MRTFB: variants seen among roughly 807,000 people sequenced by gnomAD.
MRTFB encodes myocardin related transcription factor B, also known as myocardin-related transcription factor B.
Under a neutral mutation model 104.2 loss-of-function variants are expected in MRTFB, and 29 were observed. That is an observed-to-expected ratio of 0.28 (90% CI 0.21 to 0.38). The LOEUF (loss-of-function observed/expected upper bound fraction) is 0.38. Among genes scored for constraint, MRTFB ranks in the 10% least tolerant of loss-of-function variants. The pLI is 1.00. For missense variants in MRTFB, 1,270 were observed against 1,341.6 expected (o/e 0.95, Z 0.83); for synonymous variants, 535 against 519.5 (o/e 1.03, Z -0.41).
At chr16:14,040,443 GT>G in the MRTFB span, among the ~76,000 whole-genome samples, 153 of 150,664 alleles carry the variant, frequency 1.0e-3, no homozygotes, top group African/African-American at 3.5e-3. Context: ...GAGTGTTTCC[GT>G]TGCTCTATAA....
At chr16:13,997,645 T>A in the MRTFB span, among the ~76,000 whole-genome samples, 147 of 141,266 alleles carry the variant, frequency 1.0e-3, no homozygotes, top group Middle Eastern at 7.2e-3. Context: ...AAAAAAAAAA[T>A]AGCTGGGTAT....
At chr16:14,003,526 G>A in the MRTFB span, among the ~76,000 whole-genome samples, 1 of 152,152 alleles carries the variant, frequency 6.6e-6, no homozygotes, top group Admixed American at 6.5e-5. Context: ...CGACAGAGGC[G>A]TCTCCCAGCC....
chr16:14,016,092 G>C, the MRTFB span: 3 of 397,754 alleles, frequency 7.5e-6, no homozygotes, highest in Non-Finnish European at 1.3e-5. Context: ...TTGTAAGCTG[G>C]GAGGCAGGAA....
At chr16:14,065,893 A>C in the MRTFB span, among the ~76,000 whole-genome samples, 2 of 152,054 alleles carry the variant, frequency 1.3e-5, no homozygotes, top group South Asian at 4.1e-4. Context: ...CATCCTTCAC[A>C]ACACAGTCCA....
chr16:14,162,842 G>A (rs1251406377), intron 3 of MRTFB, among the ~76,000 whole-genome samples: 2 of 152,130 alleles, frequency 1.3e-5, no homozygotes, highest in Admixed American at 6.5e-5. Flanking sequence ...TCAGTGAATC[G>A]TATACTTATG....
intron 3 of MRTFB, among the ~76,000 whole-genome samples, chr16:14,153,839 A>G (rs1044920312): frequency 3.7e-4 from 56 of 152,318 alleles, no homozygotes; most frequent in African/African-American, 1.2e-3. Context: ...CAAGTCTTCT[A>G]TACCTTTATT....
chr16:14,010,362 G>A, the MRTFB span, among the ~76,000 whole-genome samples: 1 of 152,162 alleles, frequency 6.6e-6, no homozygotes, highest in Non-Finnish European at 1.5e-5. Flanking sequence ...TGTCACCCAG[G>A]CTGGGGTGCA....
the MRTFB span, among the ~76,000 whole-genome samples, chr16:14,035,201 C>A: frequency 0.19 from 28,154 of 152,128 alleles, 3,175 homozygotes; most frequent in South Asian, 0.33. Context: ...CATAAGATTG[C>A]GATCCTCCCT....
chr16:14,131,509 T>C (rs1387283438), intron 2 of MRTFB, among the ~76,000 whole-genome samples: 1 of 152,026 alleles, frequency 6.6e-6, no homozygotes, highest in African/African-American at 2.4e-5. Context: ...TATCAAGAAA[T>C]GAAAAGTCAA....
At chr16:14,128,135 G>A (rs960899121) in intron 2 of MRTFB, among the ~76,000 whole-genome samples, 2 of 151,840 alleles carry the variant, frequency 1.3e-5, no homozygotes, top group African/African-American at 2.4e-5. Flanking sequence ...ATAAGGCTTA[G>A]GGATGTTTAT....
At chr16:14,145,289 G>C (rs1196242942) in intron 3 of MRTFB, among the ~76,000 whole-genome samples, 1 of 151,712 alleles carries the variant, frequency 6.6e-6, no homozygotes, top group Non-Finnish European at 1.5e-5. Flanking sequence ...GATTTTTTTG[G>C]TGATTGTGTT....
At chr16:14,034,256 A>G in the MRTFB span, among the ~76,000 whole-genome samples, 1 of 152,340 alleles carries the variant, frequency 6.6e-6, no homozygotes, top group Non-Finnish European at 1.5e-5. Flanking sequence ...GGAAGCTGTG[A>G]GGGAGAACCT....
In MRTFB at chr16:14,220,283, A is replaced by G. The variant is rs2151221275; in HGVS notation, c.693+1285A>G. On this transcript the variant is annotated intron_variant, in intron 8 of 16. Coordinates refer to ENST00000571589, the MANE Select transcript of MRTFB (RefSeq NM_001308142.2). ...AAGAATGTCAAGTATGCAAGTAGAT[A>G]CCATTAACAAACAGTTACACTTATC... Among the ~76,000 whole-genome samples the G allele has an allele frequency of 2.0e-5, 3 of 152,326 alleles. No individual in the cohort carries two copies. In the Middle Eastern group the frequency reaches 0.01, roughly 518 times the overall value.
At chr16:14,221,273 G>T (rs1048066013) in intron 8 of MRTFB, among the ~76,000 whole-genome samples, 1 of 152,114 alleles carries the variant, frequency 6.6e-6, no homozygotes, top group African/African-American at 2.4e-5. Context: ...TATAGAATTT[G>T]CCCAGGCATC....
intron 2 of MRTFB, among the ~76,000 whole-genome samples, chr16:14,136,966 G>T (rs921854568): frequency 6.6e-6 from 1 of 152,168 alleles, no homozygotes; most frequent in Non-Finnish European, 1.5e-5. Flanking sequence ...CATTCATGCT[G>T]TCAGTTCTAG....
chr16:14,112,858 C>T (rs933404688), intron 2 of MRTFB, among the ~76,000 whole-genome samples: 2 of 152,164 alleles, frequency 1.3e-5, no homozygotes, highest in Admixed American at 1.3e-4. Context: ...GTCAGGGCTT[C>T]TCTGGACACC....
intron 1 of MRTFB, 141 bp from the exon 2 acceptor site, chr16:14,079,149 C>A: frequency 1.8e-4 from 43 of 237,416 alleles, no homozygotes; most frequent in Middle Eastern, 1.3e-3. Context: ...TTTTTACTTT[C>A]CTTCCTGACC....
At chr16:14,169,506 G>C (rs1270828264) in intron 3 of MRTFB, among the ~76,000 whole-genome samples, 1 of 151,814 alleles carries the variant, frequency 6.6e-6, no homozygotes, top group African/African-American at 2.4e-5. Context: ...ATATACCCTT[G>C]ATTCTAATCA....
the MRTFB span, among the ~76,000 whole-genome samples, chr16:14,053,587 C>G: frequency 1.3e-5 from 2 of 151,844 alleles, no homozygotes; most frequent in Admixed American, 1.3e-4. Flanking sequence ...AAAAATTAGC[C>G]GGGCGTGGTG....
Sources: allele counts gnomAD v4.1 joint callset (sites outside exome capture counted in the v4.1 genomes callset), GRCh38; gene constraint gnomAD v4.1.1; transcripts MANE v1.5; gene names NCBI Gene and HGNC (gene_info 2026-07-23, HGNC 2026-07-21).